USP34: variants seen among roughly 807,000 people sequenced by gnomAD.
USP34 encodes ubiquitin specific peptidase 34, also known as ubiquitin carboxyl-terminal hydrolase 34.
Under a neutral mutation model 460.3 loss-of-function variants are expected in USP34, and 70 were observed. The observed-to-expected ratio is 0.15, with a 90% confidence interval of 0.13 to 0.19. The LOEUF is 0.19. Among genes scored for constraint, USP34 ranks in the 10% least tolerant of loss-of-function variants. The probability of loss-of-function intolerance (pLI) is 1.00; values close to 1 mark genes in which losing one functional copy is unlikely to be tolerated. For missense variants in USP34, 3,985 were observed against 4,236.2 expected (o/e 0.94, Z 1.65); for synonymous variants, 1,647 against 1,405.3 (o/e 1.17, Z -3.85).
chr2:61,403,056 G>A (rs982051995), intron 3 of USP34, among the ~76,000 whole-genome samples: 2 of 151,904 alleles, frequency 1.3e-5, no homozygotes, highest in Admixed American at 6.6e-5. Context: ...AAATTAAAGA[G>A]GCACATATCT....
intron 6 of USP34, among the ~76,000 whole-genome samples, chr2:61,380,928 T>A (rs893504331): frequency 1.3e-5 from 2 of 152,092 alleles, no homozygotes; most frequent in African/African-American, 4.8e-5. Flanking sequence ...GGCATGGCAA[T>A]CACAGAATGT....
intron 5 of USP34, among the ~76,000 whole-genome samples, chr2:61,391,469 TC>T: frequency 6.6e-6 from 1 of 152,286 alleles, no homozygotes. Flanking sequence ...GTAACGTTAG[TC>T]CGTATCTTTC....
At chr2:61,379,541 A>G (rs1204039420) in intron 7 of USP34, among the ~76,000 whole-genome samples, 1 of 152,188 alleles carries the variant, frequency 6.6e-6, no homozygotes, top group Admixed American at 6.5e-5. Context: ...AAAACAAAAC[A>G]AAAACCCAGA....
At chr2:61,291,562 A>T (rs140005005) in intron 33 of USP34, among the ~76,000 whole-genome samples, 2 of 152,312 alleles carry the variant, frequency 1.3e-5, no homozygotes, top group Non-Finnish European at 2.9e-5. Flanking sequence ...ACATTTCACC[A>T]AAGATTTATG....
At position 61,266,337 on chromosome 2, in the gene USP34, C is replaced by T. The variant is rs181551829; in HGVS notation, c.5434-170G>A. On this transcript the variant is annotated intron_variant, in intron 41 of 79. Coordinates refer to ENST00000398571, the MANE Select transcript of USP34 (RefSeq NM_014709.4). ...CGTGTTCATTTCTCTTAAGAGAAAA[C>T]GAAGGCGGCGATCAACTTTTACTCT... 5.3e-5 allele frequency among the ~76,000 whole-genome samples: 8 copies of T among 152,242 alleles called. No homozygotes were observed. The East Asian group carries it at 1.2e-3, about 22-fold the overall frequency.
rs374650905 is a variant in USP34 at position 61,241,672 on chromosome 2, A to G, written c.6682-17T>C. 1.9e-5 allele frequency: 30 copies of G among 1,569,526 alleles called. No homozygotes were observed. The African/African-American group carries it at 3.7e-4, about 20-fold the overall frequency. Reference sequence around the variant, plus strand: ...ACTGTGTGTCTTTAAGAGGCAAGAAAAAAATTTATTTTCATTTTGACAAAG... The same window carrying G: ...ACTGTGTGTCTTTAAGAGGCAAGAAGAAAATTTATTTTCATTTTGACAAAG... On this transcript the variant is annotated splice_polypyrimidine_tract_variant and intron_variant, in intron 52 of 79. Transcript: ENST00000398571.
chr2:61,223,504 A>G (rs1687647479), intron 62 of USP34: 1 of 544,996 alleles, frequency 1.8e-6, no homozygotes, highest in African/African-American at 1.9e-5. Context: ...GCCCAAATGT[A>G]CTTCATTTTC....
At chr2:61,380,124 G>T in intron 7 of USP34, 45 bp downstream of exon 7, 1 of 1,563,964 alleles carries the variant, frequency 6.4e-7, no homozygotes, top group South Asian at 1.2e-5. Flanking sequence ...TGATAGACCA[G>T]AAAACAAATA....
intron 1 of USP34, among the ~76,000 whole-genome samples, chr2:61,468,746 C>T (rs1315314106): frequency 6.6e-6 from 1 of 152,168 alleles, no homozygotes; most frequent in Admixed American, 6.5e-5. Context: ...ACATTTCTAA[C>T]ACTCCATAAA....
At position 61,228,789 on chromosome 2, in the gene USP34, G is replaced by C; in HGVS notation, c.7368+38C>G. On this transcript the variant is annotated intron_variant, in intron 60 of 79. Transcript: ENST00000398571. ...AATTAAGTTGCAAATACTGAAAAAA[G>C]GTAGATAATCAAAAAAATAGACAAG... 3 of 1,585,192 alleles carry C rather than the reference G, an allele frequency of 1.9e-6. No homozygotes were observed. The South Asian group carries it at 3.5e-5, about 19-fold the overall frequency.
rs1417828089 is a variant in USP34 at position 61,256,428 on chromosome 2, C to A, written c.6177G>T (p.Met2059Ile). 1 of 1,611,792 alleles carries A rather than the reference C, an allele frequency of 6.2e-7. No homozygotes were observed. Residue 2059 changes from methionine to isoleucine, a missense_variant, in exon 48 of 80, where the codon ATG (methionine) becomes ATT (isoleucine). This residue lies in a region of USP34 where 145 missense variants were observed against 291.6 expected (regional missense o/e 0.50). Transcript: ENST00000398571. ...TCTTCCCACAATGAGAACAAGTATA[C>A]ATGTTATCACCTTCCAAAGTGTCTT... ...TIKDTLEGDN[M>I]YTCSHCGKKV...
At chr2:61,444,060 G>T (rs1406436323) in intron 1 of USP34, among the ~76,000 whole-genome samples, 2 of 152,106 alleles carry the variant, frequency 1.3e-5, no homozygotes, top group African/African-American at 4.8e-5. Flanking sequence ...TTCAGCATGG[G>T]CAACATACGG....
At chr2:61,199,210 G>A (rs1027037145) in intron 75 of USP34, among the ~76,000 whole-genome samples, 2 of 152,008 alleles carry the variant, frequency 1.3e-5, no homozygotes, top group Middle Eastern at 3.4e-3. Flanking sequence ...TGGTATTCAT[G>A]TGATGTTATG....
At chr2:61,426,515 AAG>A (rs1445368985) in intron 1 of USP34, among the ~76,000 whole-genome samples, 5 of 151,998 alleles carry the variant, frequency 3.3e-5, no homozygotes, top group Non-Finnish European at 7.4e-5. Flanking sequence ...AAATGGGAAA[AAG>A]AGTGAGAAGT....
chr2:61,470,540 G>C, intron 1 of USP34, 110 bp downstream of exon 1: 2 of 628,378 alleles, frequency 3.2e-6, no homozygotes, highest in Non-Finnish European at 5.2e-6. Flanking sequence ...CCCGCACGCC[G>C]CCCGGCCCGG....
In USP34 at chr2:61,192,876, ATCATCTAAAAC is replaced by A; in HGVS notation, c.9588+14_9588+24del. The A allele has an allele frequency of 6.3e-7, 1 of 1,596,704 alleles. No homozygotes were observed. The highest frequency in any genetic ancestry group is 8.6e-7 in the Non-Finnish European group (1 of 1,166,794). On this transcript the variant is annotated intron_variant, in intron 76 of 79. Transcript: ENST00000398571. ...CTTGGTCAGATAAGATTAAAGACCA[ATCATCTAAAAC>A]TCATTTTCTTTACCTGAGTCTGGCA...
chr2:61,224,567 T>C (rs531080946), intron 62 of USP34, among the ~76,000 whole-genome samples: 11 of 152,356 alleles, frequency 7.2e-5, no homozygotes, highest in African/African-American at 2.2e-4. Context: ...CTTGAATACA[T>C]ATAAGAACAC....
intron 67 of USP34, 78 bp downstream of exon 67, chr2:61,220,232 T>C: frequency 5.4e-6 from 7 of 1,297,162 alleles, no homozygotes; most frequent in Admixed American, 2.4e-5. Flanking sequence ...GGGCATGTCG[T>C]AGTTGCCTAA....
rs1407191580 is a variant in USP34 at position 61,187,658 on chromosome 2, G to A, written c.*444C>T. 1.6e-6 allele frequency: 1 copy of A among 620,994 alleles called. No homozygotes were observed. The highest frequency in any genetic ancestry group is 2.0e-5 in the African/African-American group (1 of 49,746). The allele number at this position is 620,994 out of a possible 1,614,324, so 38.5% of individuals were successfully genotyped here. ...GATTCTTTACAGAATCAAATTTCTT[G>A]TGGTTGTTCCGTATACAAGTAAACT... On this transcript the variant is annotated 3_prime_UTR_variant, in exon 80 of 80. Coordinates refer to ENST00000398571, the MANE Select transcript of USP34 (RefSeq NM_014709.4).
Sources: gnomAD v4.1 joint callset for allele counts (sites outside exome capture counted in the v4.1 genomes callset) on GRCh38, gnomAD v4.1.1 for gene constraint, gnomAD v4.1.1 regional missense constraint, MANE v1.5 for transcripts, NCBI Gene and HGNC (gene_info 2026-07-23, HGNC 2026-07-21) for gene names.